Variants in MRPL24 observed in about 807,000 individuals in gnomAD.
The protein encoded by MRPL24 is mitochondrial ribosomal protein L24.
Under a neutral mutation model 26.9 loss-of-function variants are expected in MRPL24, and 15 were observed. The observed-to-expected ratio is 0.56, with a 90% CI of 0.37 to 0.86. The LOEUF (loss-of-function observed/expected upper bound fraction) is 0.86, where lower values mean the gene tolerates loss of function less well. MRPL24 is among the 40% of genes least tolerant of loss of function. The pLI is 0.00. For missense variants in MRPL24, 241 were observed against 281.4 expected (o/e 0.86, Z 1.03); for synonymous variants, 92 against 102.4 (o/e 0.90, Z 0.62).
In MRPL24 at chr1:156,738,821, G is replaced by A. The variant is rs374187256; in HGVS notation, c.-60-57C>T. On this transcript the variant is annotated intron_variant, in intron 1 of 5. Coordinates refer to ENST00000361531, the MANE Select transcript of MRPL24 (RefSeq NM_145729.3). ...GGCAAGGGAAGGAACATTTTTTAAAGCACTTACTCTATTGCTCAATGGACC... is the reference window on the plus strand; with the variant it reads ...GGCAAGGGAAGGAACATTTTTTAAAACACTTACTCTATTGCTCAATGGACC... 2.4e-4 allele frequency: 217 copies of A among 897,032 alleles called. 1 individual carries two copies. In the South Asian group the frequency reaches 3.8e-3, roughly 16 times the overall value. The allele number at this position is 897,032 out of a possible 1,614,324, so 55.6% of individuals were successfully genotyped here. A position where few individuals can be genotyped will look rare whatever the true frequency, so the allele number is the denominator to read the frequency against.
intron 3 of MRPL24, 36 bp downstream of exon 3, chr1:156,738,307 G>A (rs747483108): frequency 6.3e-7 from 1 of 1,599,298 alleles, no homozygotes; most frequent in Non-Finnish European, 8.6e-7. Context: ...GATGAGACAG[G>A]CTTCCTGAGC....
At chr1:156,738,496 C>G (rs1264589679) in intron 2 of MRPL24, 26 bp downstream of exon 2, 1 of 1,613,920 alleles carries the variant, frequency 6.2e-7, no homozygotes, top group African/African-American at 1.3e-5. Flanking sequence ...TTCCCCATCA[C>G]TCTACCCCCT....
In MRPL24 at chr1:156,737,670, C is replaced by G. The variant is rs1314335497; in HGVS notation, c.490G>C (p.Gly164Arg). Residue 164 changes from glycine to arginine, a missense_variant, in exon 5 of 6, where the codon GGC becomes CGC. Transcript: ENST00000361531. ...IPKPEFPRADGIVPETWIDGP... is the reference protein window; with the variant it reads ...IPKPEFPRADRIVPETWIDGP... Reference sequence around the variant, plus strand: ...CCAATCCACGTTTCAGGGACGATGCCATCAGCTCTGGGAAATTCGGGTTTA... The same window carrying G: ...CCAATCCACGTTTCAGGGACGATGCGATCAGCTCTGGGAAATTCGGGTTTA... 2 of 1,614,158 alleles carry G rather than the reference C, an allele frequency of 1.2e-6. No individual in the cohort carries two copies. The highest frequency in any genetic ancestry group is 1.1e-5 in the South Asian group (1 of 91,080).
Position 156,737,762 on chromosome 1 carries a change from A to T in MRPL24, c.398T>A (p.Ile133Asn). The change falls in exon 5 of 6, where the codon ATC (isoleucine) becomes AAC (asparagine). Residue 133 changes from isoleucine (I) to asparagine (N), a missense_variant. Physicochemically the swap from Ile to Asn is moderately radical, Grantham distance 149 (BLOSUM62 -3). Coordinates refer to ENST00000361531, the MANE Select transcript of MRPL24 (RefSeq NM_145729.3). ...VDPMDRKPTEIEWRFTEAGER... is the reference protein window; with the variant it reads ...VDPMDRKPTENEWRFTEAGER... ...TCCTGCTTCAGTAAATCTCCACTCGATCTCAGTGGGTTTCCTGGTGGATAG... is the reference window on the plus strand; with the variant it reads ...TCCTGCTTCAGTAAATCTCCACTCGTTCTCAGTGGGTTTCCTGGTGGATAG... 1 of 1,613,962 alleles carries T rather than the reference A, an allele frequency of 6.2e-7. No individual in the cohort carries two copies. The highest frequency in any genetic ancestry group is 2.2e-5 in the East Asian group (1 of 44,866).
At position 156,737,615 on chromosome 1, in the gene MRPL24, C is replaced by G. The variant is rs370131294; in HGVS notation, c.514+31G>C. 2.0e-5 allele frequency: 33 copies of G among 1,613,310 alleles called. No individual in the cohort carries two copies. In the African/African-American group the frequency reaches 3.2e-4, roughly 16 times the overall value. On this transcript the variant is annotated intron_variant, in intron 5 of 5. Coordinates refer to ENST00000361531, the MANE Select transcript of MRPL24 (RefSeq NM_145729.3). ...GTCCCCTACTCTCACTCCTAGCACC[C>G]ACCCCTGACCTTCCTGCCCCTCACT...
upstream of MRPL24, chr1:156,742,704 G>C (rs1650212801): frequency 6.5e-6 from 1 of 154,658 alleles, no homozygotes; most frequent in South Asian, 2.0e-4. Context: ...AAGGGGGACA[G>C]ATGCTCAACA....
intron 1 of MRPL24, chr1:156,740,363 CAAAA>C (rs34433042): frequency 1.1e-4 from 16 of 150,762 alleles, no homozygotes; most frequent in South Asian, 4.2e-4. Flanking sequence ...CAAAAACAAA[CAAAA>C]AAAAACCCCA....
rs989089526 is a variant in MRPL24 at position 156,738,810 on chromosome 1, C to G, written c.-60-46G>C. 192 of 1,086,424 alleles carry G rather than the reference C, an allele frequency of 1.8e-4. 1 individual carries two copies. The highest frequency in any genetic ancestry group is 2.5e-4 in the Non-Finnish European group (187 of 760,288). 67.3% of individuals were successfully genotyped at this position (1,086,424 alleles called of 1,614,324 possible). Reference sequence around the variant, plus strand: ...GGGAACAAAGAGGCAAGGGAAGGAACATTTTTTAAAGCACTTACTCTATTG... The same window carrying G: ...GGGAACAAAGAGGCAAGGGAAGGAAGATTTTTTAAAGCACTTACTCTATTG... On this transcript the variant is annotated intron_variant, in intron 1 of 5. Transcript: ENST00000361531.
Position 156,738,143 on chromosome 1 carries a change from G to C in MRPL24, c.280-9C>G. ...CCAATGTAGCGGTAATGCTGTCCAA[G>C]AGAGGGGAGTGTCAGAAAGCACGGG... On this transcript the variant is annotated splice_polypyrimidine_tract_variant and intron_variant, in intron 3 of 5. Coordinates refer to ENST00000361531, the MANE Select transcript of MRPL24 (RefSeq NM_145729.3). The C allele has an allele frequency of 6.2e-7, 1 of 1,613,690 alleles. No homozygotes were observed. Among genetic ancestry groups the C allele is most frequent in the Non-Finnish European group, 8.5e-7 (1 of 1,179,598 alleles).
chr1:156,740,059 C>T (rs1650024949), intron 1 of MRPL24, among the ~76,000 whole-genome samples: 1 of 152,108 alleles, frequency 6.6e-6, no homozygotes, highest in African/African-American at 2.4e-5. Context: ...TTTAACAAAG[C>T]AAGGTGCAAA....
Position 156,737,640 on chromosome 1 carries a change from T to G in MRPL24, c.514+6A>C. 5.0e-6 allele frequency: 8 copies of G among 1,613,896 alleles called. No individual in the cohort carries two copies. Among genetic ancestry groups the G allele is most frequent in the Non-Finnish European group, 6.8e-6 (8 of 1,179,988 alleles). On this transcript the variant is annotated splice_donor_region_variant and intron_variant, in intron 5 of 5. Transcript: ENST00000361531. ...CACCCCTGACCTTCCTGCCCCTCAC[T>G]CTCACCAATCCACGTTTCAGGGACG...
chr1:156,737,333 AAAAAG>A lies in MRPL24; in HGVS notation c.*60_*64del. The A allele has an allele frequency of 6.7e-7, 1 of 1,498,170 alleles. No individual in the cohort carries two copies. Among genetic ancestry groups the A allele is most frequent in the Non-Finnish European group, 8.9e-7 (1 of 1,122,978 alleles). The allele number at this position is 1,498,170 out of a possible 1,614,324, so 92.8% of individuals were successfully genotyped here. On this transcript the variant is annotated 3_prime_UTR_variant, in exon 6 of 6. Transcript: ENST00000361531. ...ATAAAGTGCTCTTTATTGGCATCTGAAAAAGAAGTGCCTCAGCCTTCAAGGCTGGG... is the reference window on the plus strand; with the variant it reads ...ATAAAGTGCTCTTTATTGGCATCTGAAAGTGCCTCAGCCTTCAAGGCTGGG...
chr1:156,737,585 T>C (rs1227530425), intron 5 of MRPL24, 51 bp from the exon 6 acceptor site: 2 of 1,605,668 alleles, frequency 1.2e-6, no homozygotes, highest in Non-Finnish European at 1.7e-6. Context: ...CCAACTTTCA[T>C]TAATGTCCCC....
At position 156,737,386 on chromosome 1, in the gene MRPL24, T is replaced by C; in HGVS notation, c.*12A>G. On this transcript the variant is annotated 3_prime_UTR_variant, in exon 6 of 6. Transcript: ENST00000361531. ...GGGACAGAAGTTGGGGAGGAGCTGC[T>C]CTGCCCCAGGCTCAATACCAATAGA... 2 of 1,552,842 alleles carry C rather than the reference T, an allele frequency of 1.3e-6. No homozygotes were observed. Among genetic ancestry groups the C allele is most frequent in the Non-Finnish European group, 1.7e-6 (2 of 1,156,568 alleles).
Position 156,738,380 on chromosome 1 carries a change from C to A in MRPL24, c.242G>T (p.Arg81Leu). 6.2e-7 allele frequency: 1 copy of A among 1,614,140 alleles called. No homozygotes were observed. Among genetic ancestry groups the A allele is most frequent in the Non-Finnish European group, 8.5e-7 (1 of 1,180,028 alleles). The change falls in exon 3 of 6, where the codon CGG (arginine) becomes CTG (leucine). Residue 81 changes from arginine (R) to leucine (L), a missense_variant. By Grantham distance (102) the Arg-to-Leu change is moderately radical (BLOSUM62 -2). Coordinates refer to ENST00000361531, the MANE Select transcript of MRPL24 (RefSeq NM_145729.3). The part of the protein sequence containing the change: ...GKQGKVVQVI[R>L]QRNWVVVGGL... ...TCCCACGACCACCCAGTTTCGCTGC[C>A]GGATAACTTGAACCACTTTGCCCTG...
intron 2 of MRPL24, 25 bp from the exon 3 acceptor site, chr1:156,738,463 GA>G (rs746166760): frequency 6.2e-7 from 1 of 1,613,760 alleles, no homozygotes; most frequent in Non-Finnish European, 8.5e-7. Flanking sequence ...GAAGGTTAGG[GA>G]GGGGGATCCT....
intron 1 of MRPL24, among the ~76,000 whole-genome samples, chr1:156,739,220 TA>T (rs1650000319): frequency 6.6e-6 from 1 of 152,142 alleles, no homozygotes; most frequent in South Asian, 2.1e-4. Flanking sequence ...CTATCCCACT[TA>T]GAATTCCTAT....
At position 156,737,553 on chromosome 1, in the gene MRPL24, C is replaced by T. The variant is rs753870295; in HGVS notation, c.515-19G>A. 1.2e-5 allele frequency: 20 copies of T among 1,603,822 alleles called. No individual in the cohort carries two copies. The highest frequency in any genetic ancestry group is 1.5e-5 in the Non-Finnish European group (18 of 1,174,484). On this transcript the variant is annotated intron_variant, in intron 5 of 5. Coordinates refer to ENST00000361531, the MANE Select transcript of MRPL24 (RefSeq NM_145729.3). ...GGGCCATCTGTTAAGCCAGAGGAAA[C>T]TTAGATGGGTGGGAGGGCTTGCCAA...
rs1177586540 is a variant in MRPL24 at position 156,737,728 on chromosome 1, T to C, written c.432A>G (p.Val144=). 4 of 1,614,068 alleles carry C rather than the reference T, an allele frequency of 2.5e-6. No homozygotes were observed. In the East Asian group the frequency reaches 8.9e-5, roughly 36 times the overall value. ...EWRFTEAGER[V]RVSTRSGRII... ...TTCTCCCTGATCGTGTGGAGACTCGTACCCGCTCTCCTGCTTCAGTAAATC... is the reference window on the plus strand; with the variant it reads ...TTCTCCCTGATCGTGTGGAGACTCGCACCCGCTCTCCTGCTTCAGTAAATC... The change falls in exon 5 of 6, where the codon GTA becomes GTG. Residue 144 remains valine, a synonymous_variant. Transcript: ENST00000361531.
Sources: allele counts gnomAD v4.1 joint callset (sites outside exome capture counted in the v4.1 genomes callset), GRCh38; gene constraint gnomAD v4.1.1; transcripts MANE v1.5; gene names NCBI Gene and HGNC (gene_info 2026-07-23, HGNC 2026-07-21).